MTMR8: variants seen among roughly 807,000 people sequenced by gnomAD.
MTMR8 encodes the protein myotubularin related protein 8, also known as phosphatidylinositol-3,5-bisphosphate 3-phosphatase MTMR8.
A neutral mutation model predicts 39.3 loss-of-function variants in MTMR8; 65 were observed. The ratio of observed to expected loss-of-function variants is 1.65; its 90% CI spans 1.35 to 2.03. The LOEUF (loss-of-function observed/expected upper bound fraction) is 2.03, where lower values mean the gene tolerates loss of function less well. Ranked by LOEUF, MTMR8 falls within the 30% of genes most tolerant of loss-of-function variation. The pLI is 0.00. For missense variants in MTMR8, 777 were observed against 538.9 expected, an observed-to-expected ratio of 1.44 and a Z score of -4.37; for synonymous variants, 245 against 185.2, an observed-to-expected ratio of 1.32 and a Z score of -2.62.
chrX:64,381,295 T>G (rs1172002880), intron 1 of MTMR8, among the ~76,000 whole-genome samples: 5 of 112,103 alleles, frequency 4.5e-5, no homozygotes, highest in Non-Finnish European at 9.4e-5. Context: ...TTCTAACTGG[T>G]ATGAGGTGGT....
chrX:64,366,386 C>A (rs1198170775), intron 1 of MTMR8, among the ~76,000 whole-genome samples: 1 of 111,859 alleles, frequency 8.9e-6, no homozygotes, highest in Non-Finnish European at 1.9e-5. Flanking sequence ...TATAAAAGAA[C>A]AGAAATCACA....
At chrX:64,273,880 C>T (rs939851052) in intron 12 of MTMR8, among the ~76,000 whole-genome samples, 5 of 111,143 alleles carry the variant, frequency 4.5e-5, no homozygotes, top group South Asian at 3.7e-4. Flanking sequence ...TATATAATGA[C>T]GAAAGGATCA....
chrX:64,356,169 T>C lies in MTMR8; in HGVS notation c.310+7A>G, dbSNP rs749171397. 3.3e-6 allele frequency: 4 copies of C among 1,198,598 alleles called. No homozygotes were observed. The highest frequency in any genetic ancestry group is 4.5e-6 in the Non-Finnish European group (4 of 888,984). On this transcript the variant is annotated splice_region_variant and intron_variant, in intron 3 of 13. Coordinates refer to ENST00000374852, the MANE Select transcript of MTMR8 (RefSeq NM_017677.4). The stretch of plus-strand genomic sequence containing the variant: ...ATGGTTTTAGATAAAAATACTATCA[T>C]AACTACCTGGCTGAGAAAGCTTGAG...
intron 12 of MTMR8, among the ~76,000 whole-genome samples, chrX:64,285,180 C>G (rs1360982128): frequency 9.0e-6 from 1 of 111,343 alleles, no homozygotes; most frequent in Non-Finnish European, 1.9e-5. Flanking sequence ...ATCCTAGTCT[C>G]TGATAAAACA....
intron 1 of MTMR8, among the ~76,000 whole-genome samples, chrX:64,386,904 T>G (rs1028584012): frequency 1.9e-4 from 21 of 109,350 alleles, no homozygotes; most frequent in South Asian, 8.0e-4. Context: ...GCTAAAAAAA[T>G]TAGCCATGTG....
intron 12 of MTMR8, among the ~76,000 whole-genome samples, chrX:64,275,377 A>C (rs1414355737): frequency 9.0e-6 from 1 of 110,586 alleles, no homozygotes; most frequent in Non-Finnish European, 1.9e-5. Flanking sequence ...GAAATAAATG[A>C]AATAGTGAAT....
chrX:64,330,823 GTAT>G (rs1922920404), intron 11 of MTMR8, among the ~76,000 whole-genome samples: 1 of 111,719 alleles, frequency 9.0e-6, no homozygotes, highest in Non-Finnish European at 1.9e-5. Context: ...AAATAGTCTA[GTAT>G]TGCCAGAGCT....
chrX:64,308,320 A>ATTTTTTTTTT (rs778962275), intron 12 of MTMR8, among the ~76,000 whole-genome samples: 1,027 of 69,477 alleles, frequency 0.015, no homozygotes, highest in Non-Finnish European at 0.018. Flanking sequence ...ACGGCTGGCT[A>ATTTTTTTTTT]TTTTTTTTTT....
At chrX:64,322,868 G>A (rs1281883395) in intron 12 of MTMR8, among the ~76,000 whole-genome samples, 1 of 112,642 alleles carries the variant, frequency 8.9e-6, no homozygotes, top group Non-Finnish European at 1.9e-5. Context: ...TAAGTCCACT[G>A]CTCCAGCACA....
chrX:64,272,835 C>CA (rs999036724), intron 12 of MTMR8, among the ~76,000 whole-genome samples: 71 of 108,978 alleles, frequency 6.5e-4, no homozygotes, highest in African/African-American at 1.1e-3. Flanking sequence ...GACATCTCAG[C>CA]AAAAAAAAAC....
At chrX:64,269,185 A>T in intron 13 of MTMR8, 142 bp from the exon 14 acceptor site, 2 of 546,456 alleles carry the variant, frequency 3.7e-6, no homozygotes, top group Non-Finnish European at 5.8e-6. Context: ...CCCCCACAAC[A>T]TCTTTCCCTC....
intron 12 of MTMR8, among the ~76,000 whole-genome samples, chrX:64,320,542 T>C (rs978848984): frequency 4.5e-5 from 5 of 110,255 alleles, no homozygotes; most frequent in South Asian, 7.8e-4. Context: ...GCCTTTTTCA[T>C]AATATTTGTT....
chrX:64,281,940 G>T lies in MTMR8; in HGVS notation c.1482-10867C>A, dbSNP rs747133510. 1.8e-4 allele frequency among the ~76,000 whole-genome samples: 17 copies of T among 93,902 alleles called. No individual in the cohort carries two copies. The South Asian group carries it at 6.2e-3, about 34-fold the overall frequency. 81.5% of individuals were successfully genotyped at this position (93,902 alleles called of 115,157 possible). The stretch of plus-strand genomic sequence containing the variant: ...AGATACTTCTCAAAAAAAAAAAAAA[G>T]ATATTTATGCGGCCAACAAACATAT... On this transcript the variant is annotated intron_variant, in intron 12 of 13. Coordinates refer to ENST00000374852, the MANE Select transcript of MTMR8 (RefSeq NM_017677.4).
At chrX:64,320,105 G>C (rs1315328378) in intron 12 of MTMR8, among the ~76,000 whole-genome samples, 1 of 111,083 alleles carries the variant, frequency 9.0e-6, no homozygotes, top group Non-Finnish European at 1.9e-5. Context: ...AGTTCTCCTT[G>C]AAGAGGTCCT....
intron 12 of MTMR8, among the ~76,000 whole-genome samples, chrX:64,319,060 G>A (rs773568250): frequency 2.0e-4 from 22 of 111,718 alleles, no homozygotes; most frequent in African/African-American, 6.5e-4. Context: ...AACTACCTTC[G>A]CTTCACTGAG....
intron 12 of MTMR8, among the ~76,000 whole-genome samples, chrX:64,322,478 G>GT (rs1242805810): frequency 8.9e-6 from 1 of 111,931 alleles, no homozygotes; most frequent in East Asian, 2.8e-4. Context: ...AGAAGAATTG[G>GT]TATTTGTTCT....
At chrX:64,361,216 C>A (rs1671930477) in intron 1 of MTMR8, among the ~76,000 whole-genome samples, 1 of 111,240 alleles carries the variant, frequency 9.0e-6, no homozygotes, top group African/African-American at 3.3e-5. Flanking sequence ...TTTTCCCTAA[C>A]AAAACCCTCA....
intron 12 of MTMR8, among the ~76,000 whole-genome samples, chrX:64,312,960 TA>T (rs1353393565): frequency 8.9e-6 from 1 of 112,493 alleles, no homozygotes; most frequent in Non-Finnish European, 1.9e-5. Flanking sequence ...TGCTATCATC[TA>T]GGCTTTTTTG....
At chrX:64,278,693 C>T (rs1413496044) in intron 12 of MTMR8, among the ~76,000 whole-genome samples, 7 of 109,454 alleles carry the variant, frequency 6.4e-5, no homozygotes, top group African/African-American at 1.3e-4. Flanking sequence ...AGGCTGGTCT[C>T]GAACTCCTGA....
Sources: gnomAD v4.1 joint callset for allele counts (sites outside exome capture counted in the v4.1 genomes callset) on GRCh38, gnomAD v4.1.1 for gene constraint, MANE v1.5 for transcripts, NCBI Gene and HGNC (gene_info 2026-07-23, HGNC 2026-07-21) for gene names.